Variants in BTBD9 observed in about 807,000 individuals in gnomAD.
BTBD9 encodes the protein BTB/POZ domain-containing protein 9.
In BTBD9, 49 loss-of-function variants were observed where a neutral mutation model predicts 64.3. That is an observed-to-expected ratio of 0.76 (90% CI 0.61 to 0.97). The LOEUF (loss-of-function observed/expected upper bound fraction) is 0.97. BTBD9 is among the 50% of genes least tolerant of loss of function. BTBD9 has a pLI of 0.00. For missense variants in BTBD9, 598 were observed against 762.1 expected (o/e 0.78, Z 2.53); for synonymous variants, 260 against 274.7 (o/e 0.95, Z 0.53).
At chr6:38,226,956 A>G (rs1303178775) in intron 9 of BTBD9, among the ~76,000 whole-genome samples, 2 of 152,226 alleles carry the variant, frequency 1.3e-5, no homozygotes, top group Non-Finnish European at 2.9e-5. Flanking sequence ...CAAAGATCCA[A>G]AGACAGCAGG....
intron 9 of BTBD9, among the ~76,000 whole-genome samples, chr6:38,233,019 T>C (rs1246084513): frequency 1.3e-5 from 2 of 152,240 alleles, no homozygotes. Flanking sequence ...TCATGCTTCC[T>C]TGGTGGGAGG....
At chr6:38,385,277 C>T (rs560187506) in intron 6 of BTBD9, among the ~76,000 whole-genome samples, 12 of 151,078 alleles carry the variant, frequency 7.9e-5, no homozygotes, top group Non-Finnish European at 1.2e-4. Context: ...CTGCAACCTC[C>T]GCCTCTGGCT....
chr6:38,302,235 T>C (rs1305999698), intron 7 of BTBD9, among the ~76,000 whole-genome samples: 4 of 151,990 alleles, frequency 2.6e-5, no homozygotes, highest in Non-Finnish European at 5.9e-5. Context: ...TCCTCCTCTC[T>C]AACTGTAACT....
At position 38,527,250 on chromosome 6, in the gene BTBD9, C is replaced by T. The variant is rs190769856; in HGVS notation, c.1154+50350G>A. ...AAGATCGCACCACTGCACTCCAGAG[C>T]GAGACTCTGTCTCAAAAAAAAAAAA... On this transcript the variant is annotated intron_variant, in intron 6 of 10. Transcript: ENST00000481247. Among the ~76,000 whole-genome samples the T allele has an allele frequency of 3.4e-3, 391 of 113,608 alleles. 11 individuals are homozygous for T. In the Admixed American group the frequency reaches 0.044, roughly 13 times the overall value. 74.5% of individuals were successfully genotyped at this position (113,608 alleles called of 152,430 possible).
At chr6:38,236,644 C>A (rs1052521287) in intron 9 of BTBD9, among the ~76,000 whole-genome samples, 3 of 152,120 alleles carry the variant, frequency 2.0e-5, no homozygotes, top group Non-Finnish European at 4.4e-5. Context: ...ACATGCTGGG[C>A]TAGAAATCAA....
intron 6 of BTBD9, among the ~76,000 whole-genome samples, chr6:38,419,570 C>T (rs957129384): frequency 2.6e-5 from 4 of 152,248 alleles, no homozygotes; most frequent in Admixed American, 1.3e-4. Context: ...CTAAAATACT[C>T]GCTTAAAAAT....
intron 6 of BTBD9, among the ~76,000 whole-genome samples, chr6:38,466,385 G>A (rs1240036580): frequency 1.4e-5 from 2 of 146,942 alleles, no homozygotes; most frequent in South Asian, 2.2e-4. Flanking sequence ...TCTGCCTCCC[G>A]GATTCAAGCA....
At chr6:38,292,363 A>G (rs1312270057) in intron 7 of BTBD9, among the ~76,000 whole-genome samples, 3 of 151,848 alleles carry the variant, frequency 2.0e-5, no homozygotes, top group Non-Finnish European at 4.4e-5. Flanking sequence ...TTCTTTTTCT[A>G]TTGTTTGGAA....
chr6:38,521,815 T>C (rs150849651), intron 6 of BTBD9, among the ~76,000 whole-genome samples: 8 of 152,174 alleles, frequency 5.3e-5, no homozygotes, highest in African/African-American at 1.7e-4. Flanking sequence ...GCTGGGATTA[T>C]AGGCGCCTGC....
At chr6:38,205,997 G>A (rs907580606) in intron 9 of BTBD9, among the ~76,000 whole-genome samples, 3 of 151,712 alleles carry the variant, frequency 2.0e-5, no homozygotes, top group East Asian at 1.9e-4. Flanking sequence ...ATCCCAGGAT[G>A]AGAGCCGTAA....
chr6:38,197,596 G>C (rs1313674822), intron 9 of BTBD9, among the ~76,000 whole-genome samples: 3 of 152,238 alleles, frequency 2.0e-5, no homozygotes, highest in African/African-American at 7.2e-5. Flanking sequence ...AAGTAGGGGT[G>C]ATAACAGTAC....
intron 9 of BTBD9, among the ~76,000 whole-genome samples, chr6:38,237,341 T>C (rs914127266): frequency 5.9e-5 from 9 of 152,190 alleles, no homozygotes; most frequent in Admixed American, 3.3e-4. Flanking sequence ...AATCCAACTT[T>C]TTGTGCCAAA....
chr6:38,418,761 T>C (rs1193428405), intron 6 of BTBD9, among the ~76,000 whole-genome samples: 6 of 152,174 alleles, frequency 3.9e-5, no homozygotes, highest in Non-Finnish European at 8.8e-5. Flanking sequence ...CTTTTAGACC[T>C]CAGGAATGAA....
intron 7 of BTBD9, among the ~76,000 whole-genome samples, chr6:38,334,670 A>T (rs562297949): frequency 1.3e-5 from 2 of 151,310 alleles, no homozygotes; most frequent in Non-Finnish European, 2.9e-5. Flanking sequence ...AAAACAAAAC[A>T]AAACAAAACA....
In BTBD9 at chr6:38,310,421, GA is replaced by G. The variant is rs58824579; in HGVS notation, c.1265-21961del. ...AATCAGACTTCTGAAGTAGTTATCAGAAAAAAAAAAAAATCTGGGCAAAATA... is the reference window on the plus strand; with the variant it reads ...AATCAGACTTCTGAAGTAGTTATCAGAAAAAAAAAAAATCTGGGCAAAATA... On this transcript the variant is annotated intron_variant, in intron 7 of 10. Transcript: ENST00000481247. Among the ~76,000 whole-genome samples, 634 of 140,504 alleles carry G rather than the reference GA, an allele frequency of 4.5e-3. 2 individuals are homozygous for G. Among genetic ancestry groups the G allele is most frequent in the Middle Eastern group, 0.019 (5 of 266 alleles). 92.2% of individuals were successfully genotyped at this position (140,504 alleles called of 152,430 possible).
intron 6 of BTBD9, among the ~76,000 whole-genome samples, chr6:38,557,669 A>G (rs547510013): frequency 2.6e-4 from 40 of 152,348 alleles, no homozygotes; most frequent in Admixed American, 5.9e-4. Flanking sequence ...AGGTATTAGG[A>G]TATCACTATG....
intron 7 of BTBD9, among the ~76,000 whole-genome samples, chr6:38,303,818 T>C (rs559164829): frequency 9.2e-4 from 129 of 140,292 alleles, no homozygotes; most frequent in African/African-American, 3.1e-3. Flanking sequence ...AAGTTGCTAA[T>C]ATCTAGCAAC....
chr6:38,216,341 G>A (rs1039326309), intron 9 of BTBD9, among the ~76,000 whole-genome samples: 21 of 152,150 alleles, frequency 1.4e-4, no homozygotes, highest in African/African-American at 4.6e-4. Context: ...GCCCCAATTA[G>A]CAGACAGACC....
intron 6 of BTBD9, among the ~76,000 whole-genome samples, chr6:38,374,288 T>TATATATATACACAC (rs1280692259): frequency 4.3e-5 from 3 of 69,312 alleles, no homozygotes; most frequent in African/African-American, 3.6e-4. Flanking sequence ...AAAAAGTATA[T>TATATATATACACAC]ATATATATGT....
Sources: allele counts gnomAD v4.1 joint callset (sites outside exome capture counted in the v4.1 genomes callset), GRCh38; gene constraint gnomAD v4.1.1; transcripts MANE v1.5; gene names NCBI Gene and HGNC (gene_info 2026-07-23, HGNC 2026-07-21).